Variants in COL23A1 observed in about 807,000 individuals in gnomAD.
COL23A1 encodes collagen type XXIII alpha 1 chain, also known as collagen alpha-1(XXIII) chain.
In COL23A1, 97 loss-of-function variants were observed where a neutral mutation model predicts 99.3. That is an observed-to-expected ratio of 0.98 (90% CI 0.83 to 1.16). The LOEUF (loss-of-function observed/expected upper bound fraction) is 1.16, where lower values mean the gene tolerates loss of function less well. Ranked by LOEUF, COL23A1 falls within the 50% of genes most tolerant of loss-of-function variation. The pLI, the probability that COL23A1 is intolerant of heterozygous loss-of-function variation, is 0.00. For missense variants in COL23A1, 762 were observed against 757.4 expected, an observed-to-expected ratio of 1.01 and a Z score of -0.07; for synonymous variants, 320 against 308.2, an observed-to-expected ratio of 1.04 and a Z score of -0.40.
At chr5:178,490,247 A>G (rs910421388) in intron 2 of COL23A1, among the ~76,000 whole-genome samples, 3 of 152,186 alleles carry the variant, frequency 2.0e-5, no homozygotes, top group African/African-American at 7.2e-5. Context: ...AAAAACAAAA[A>G]ACAAAAAATG....
At chr5:178,542,427 G>A (rs1241574598) in intron 2 of COL23A1, among the ~76,000 whole-genome samples, 2 of 152,174 alleles carry the variant, frequency 1.3e-5, no homozygotes, top group African/African-American at 4.8e-5. Flanking sequence ...TATAATGGGT[G>A]GCAGAGTCAC....
intron 2 of COL23A1, among the ~76,000 whole-genome samples, chr5:178,459,618 C>T (rs974616902): frequency 7.9e-5 from 12 of 152,022 alleles, no homozygotes; most frequent in African/African-American, 1.7e-4. Flanking sequence ...AAAACTTAGT[C>T]GGGCGTGGTG....
intron 2 of COL23A1, among the ~76,000 whole-genome samples, chr5:178,458,087 A>G (rs926967358): frequency 6.6e-6 from 1 of 152,414 alleles, no homozygotes; most frequent in African/African-American, 2.4e-5. Context: ...TCATGTCAAA[A>G]GGACTCACAT....
intron 2 of COL23A1, among the ~76,000 whole-genome samples, chr5:178,492,497 T>C (rs60697800): frequency 3.6e-4 from 55 of 152,238 alleles, no homozygotes; most frequent in African/African-American, 1.3e-3. Context: ...GCCTTGAGAC[T>C]ATGAGACAAT....
Position 178,280,792 on chromosome 5 carries a change from C to T in COL23A1, c.441+7532G>A, listed in dbSNP as rs986215501. On this transcript the variant is annotated intron_variant, in intron 5 of 28. Transcript: ENST00000390654. The surrounding 1 kb of genome is among the most constrained non-coding windows in gnomAD (Gnocchi z 4.9). ...ACTGCTGTCCCTGCTAAGTCTCCTC[C>T]CAGAGCTAGGTGTGGACAGGAGGTA... Among the ~76,000 whole-genome samples the T allele has an allele frequency of 6.6e-6, 1 of 152,150 alleles. No individual in the cohort carries two copies. Among genetic ancestry groups the T allele is most frequent in the African/African-American group, 2.4e-5 (1 of 41,420 alleles).
intron 2 of COL23A1, among the ~76,000 whole-genome samples, chr5:178,427,463 G>A (rs1344742066): frequency 2.0e-5 from 3 of 152,216 alleles, no homozygotes; most frequent in African/African-American, 7.2e-5. Flanking sequence ...ACAAAAGCCT[G>A]AACACAGATG....
At chr5:178,548,924 G>A (rs376105391) in intron 2 of COL23A1, among the ~76,000 whole-genome samples, 31 of 152,128 alleles carry the variant, frequency 2.0e-4, no homozygotes, top group African/African-American at 7.0e-4. Flanking sequence ...CATACACTGC[G>A]ATGGCATGCT....
At chr5:178,522,454 T>C (rs1014276942) in intron 2 of COL23A1, among the ~76,000 whole-genome samples, 25 of 152,120 alleles carry the variant, frequency 1.6e-4, no homozygotes, top group African/African-American at 5.8e-4. Flanking sequence ...CTCGCCACGC[T>C]TCCCCATTCA....
chr5:178,523,187 T>C (rs1232580124), intron 2 of COL23A1, among the ~76,000 whole-genome samples: 5 of 63,290 alleles, frequency 7.9e-5, no homozygotes, highest in African/African-American at 2.6e-4. Flanking sequence ...TACACATATA[T>C]ATATATATAT....
At chr5:178,358,301 T>C (rs1461898289) in intron 2 of COL23A1, among the ~76,000 whole-genome samples, 1 of 148,228 alleles carries the variant, frequency 6.7e-6, no homozygotes, top group South Asian at 2.2e-4. Context: ...TATATGTATG[T>C]ATGTATGTGT....
intron 2 of COL23A1, among the ~76,000 whole-genome samples, chr5:178,554,948 T>C (rs534240087): frequency 8.2e-4 from 125 of 152,320 alleles, no homozygotes; most frequent in Non-Finnish European, 1.3e-3. Flanking sequence ...GGACTTTTCA[T>C]CTTTCCAAAC....
At chr5:178,242,440 T>C in intron 25 of COL23A1, 46 bp from the exon 26 acceptor site, 7 of 1,598,942 alleles carry the variant, frequency 4.4e-6, no homozygotes, top group Non-Finnish European at 6.0e-6. Context: ...GGCTGGAGGT[T>C]TGCCCCTCTG....
intron 2 of COL23A1, among the ~76,000 whole-genome samples, chr5:178,453,927 C>G (rs923205449): frequency 1.3e-5 from 2 of 152,120 alleles, no homozygotes; most frequent in Non-Finnish European, 2.9e-5. Context: ...TTTTCAGGGC[C>G]TTTGGTCTAG....
intron 2 of COL23A1, among the ~76,000 whole-genome samples, chr5:178,335,706 C>T (rs1760278745): frequency 6.6e-6 from 1 of 152,152 alleles, no homozygotes; most frequent in South Asian, 2.1e-4. Flanking sequence ...CATAGATGGA[C>T]AATTCAAGGA....
At chr5:178,562,249 GAAAAA>G in intron 1 of COL23A1, 1 of 192,816 alleles carries the variant, frequency 5.2e-6, no homozygotes, top group Non-Finnish European at 1.0e-5. Flanking sequence ...CTCAAAAAAA[GAAAAA>G]AAAAAAAAAA....
intron 2 of COL23A1, among the ~76,000 whole-genome samples, chr5:178,408,113 A>T (rs1486944202): frequency 6.6e-6 from 1 of 152,268 alleles, no homozygotes; most frequent in Non-Finnish European, 1.5e-5. Context: ...ACTGGAGAAA[A>T]GCAATTAAAG....
chr5:178,251,919 T>TG (rs1380337707), intron 17 of COL23A1, among the ~76,000 whole-genome samples: 1 of 134,848 alleles, frequency 7.4e-6, no homozygotes, highest in African/African-American at 2.5e-5. Context: ...CTTTTTTTTT[T>TG]TTTTTTATTT....
chr5:178,425,141 C>T (rs1037115034), intron 2 of COL23A1, among the ~76,000 whole-genome samples: 3 of 152,152 alleles, frequency 2.0e-5, no homozygotes, highest in South Asian at 2.1e-4. Flanking sequence ...TAAAGGGTTG[C>T]GGCCGGTTTG....
At chr5:178,270,448 G>C in intron 5 of COL23A1, 85 bp from the exon 6 acceptor site, 4 of 1,535,576 alleles carry the variant, frequency 2.6e-6, no homozygotes, top group East Asian at 2.3e-5. Flanking sequence ...ACTATTCAGT[G>C]ACAAGAAAAC....
Sources: allele counts gnomAD v4.1 joint callset (sites outside exome capture counted in the v4.1 genomes callset), GRCh38; gene constraint gnomAD v4.1.1; non-coding constraint Gnocchi (gnomAD v3.1); transcripts MANE v1.5; gene names NCBI Gene and HGNC (gene_info 2026-07-23, HGNC 2026-07-21).